Variants in SLC1A4 observed in about 807,000 individuals in gnomAD.
The protein encoded by SLC1A4 is solute carrier family 1 member 4.
A neutral mutation model predicts 37.7 loss-of-function variants in SLC1A4; 19 were observed. The observed-to-expected ratio is 0.50, with a 90% CI of 0.35 to 0.74. SLC1A4 has a LOEUF of 0.74. Ranked by LOEUF, SLC1A4 falls within the 30% of genes least tolerant of loss-of-function variation. SLC1A4 has a pLI of 0.01. For missense variants in SLC1A4, 570 were observed against 712.9 expected (o/e 0.80, Z 2.28); for synonymous variants, 299 against 309.8 (o/e 0.97, Z 0.37).
upstream of SLC1A4, chr2:64,988,578 G>A (rs1572935283): frequency 6.6e-6 from 1 of 152,330 alleles, no homozygotes; most frequent in Non-Finnish European, 1.5e-5. Context: ...CGCGGCCCAG[G>A]GGCGCCGGGT....
intron 1 of SLC1A4, among the ~76,000 whole-genome samples, chr2:64,990,726 T>C (rs936174335): frequency 2.0e-5 from 3 of 152,160 alleles, no homozygotes; most frequent in Non-Finnish European, 4.4e-5. Flanking sequence ...GTGAGACATA[T>C]TGCCCAGAAA....
intron 3 of SLC1A4, among the ~76,000 whole-genome samples, chr2:65,004,241 T>C (rs11886554): frequency 0.029 from 4,472 of 151,990 alleles, 209 homozygotes; most frequent in African/African-American, 0.1. Context: ...ATTTTGTTTG[T>C]TGATTTATTT....
chr2:65,020,532 G>C (rs933704113), intron 7 of SLC1A4, among the ~76,000 whole-genome samples: 1 of 152,128 alleles, frequency 6.6e-6, no homozygotes, highest in Non-Finnish European at 1.5e-5. Flanking sequence ...CTCCCAAATT[G>C]CTGGGATTAC....
chr2:65,003,972 T>C lies in SLC1A4; in HGVS notation c.590T>C (p.Val197Ala), dbSNP rs762173300. ...AFRTYATDYK[V>A]VTQNSSSGNV... ...TCACAGTATGCAACCGATTATAAAG[T>C]CGTGACCCAGAACAGCAGCTCTGGA... Residue 197 changes from valine to alanine, a missense_variant, in exon 3 of 8, where the codon GTC becomes GCC. Val to Ala is a moderately conservative substitution (Grantham distance 64, BLOSUM62 0). Coordinates refer to ENST00000234256, the MANE Select transcript of SLC1A4 (RefSeq NM_003038.5). The C allele has an allele frequency of 3.7e-6, 6 of 1,613,884 alleles. No homozygotes were observed. In the African/African-American group the frequency reaches 6.7e-5, roughly 18 times the overall value.
At chr2:65,016,700 G>T (rs750771561) in intron 5 of SLC1A4, 27 bp downstream of exon 5, 1 of 1,479,190 alleles carries the variant, frequency 6.8e-7, no homozygotes, top group African/African-American at 1.4e-5. Context: ...TCTCTTCACT[G>T]CTCTGAGCCA....
At chr2:65,016,874 G>A (rs373304821) in intron 5 of SLC1A4, among the ~76,000 whole-genome samples, 4 of 152,176 alleles carry the variant, frequency 2.6e-5, no homozygotes, top group Non-Finnish European at 5.9e-5. Flanking sequence ...TCGAACTCCT[G>A]GGCTCAAGTG....
chr2:65,019,566 T>C (rs1179203463), intron 7 of SLC1A4, among the ~76,000 whole-genome samples: 3 of 152,220 alleles, frequency 2.0e-5, no homozygotes, highest in Non-Finnish European at 4.4e-5. Flanking sequence ...ACCAGGTTCG[T>C]CACAGGCAGG....
intron 2 of SLC1A4, 124 bp downstream of exon 2, chr2:65,001,614 G>A: frequency 5.3e-6 from 4 of 752,462 alleles, no homozygotes; most frequent in Non-Finnish European, 8.7e-6. Context: ...TGGTAAGATT[G>A]GCCTAAACTT....
At chr2:65,008,367 G>A (rs951848734) in intron 3 of SLC1A4, among the ~76,000 whole-genome samples, 1 of 152,228 alleles carries the variant, frequency 6.6e-6, no homozygotes, top group Non-Finnish European at 1.5e-5. Context: ...GCCAGGTGCA[G>A]TGGCTCACAC....
chr2:65,017,990 G>C (rs1674225045), intron 5 of SLC1A4, 81 bp from the exon 6 acceptor site: 2 of 1,263,442 alleles, frequency 1.6e-6, no homozygotes, highest in Middle Eastern at 2.7e-4. Flanking sequence ...TAATTGCTCT[G>C]TTCTGGGGTC....
At chr2:65,019,225 T>C (rs1157176343) in intron 7 of SLC1A4, among the ~76,000 whole-genome samples, 3 of 152,216 alleles carry the variant, frequency 2.0e-5, no homozygotes, top group Non-Finnish European at 2.9e-5. Context: ...CATGGATTCC[T>C]TGAGTCACAT....
In SLC1A4 at chr2:65,022,788, C is replaced by A. The variant is rs7850; in HGVS notation, c.*1642C>A. The A allele has an allele frequency of 0.13, 19,150 of 152,182 alleles. 1,271 individuals carry two copies. The highest frequency in any genetic ancestry group is 0.19 in the Middle Eastern group (56 of 294). 9.4% of individuals were successfully genotyped at this position (152,182 alleles called of 1,614,324 possible). ...TTTTGCTGTGACTCCCAGACCCAGC[C>A]ACTGTTTCTGCCACCCTGTAACAGG... On this transcript the variant is annotated 3_prime_UTR_variant, in exon 8 of 8. Coordinates refer to ENST00000234256, the MANE Select transcript of SLC1A4 (RefSeq NM_003038.5).
In SLC1A4 at chr2:65,021,442, A is replaced by C; in HGVS notation, c.*296A>C. On this transcript the variant is annotated 3_prime_UTR_variant, in exon 8 of 8. Transcript: ENST00000234256. Reference sequence around the variant, plus strand: ...CTTGAGCTGCCAGGCTCAAGAAATCATGGACTCACAGGGTCCTGTGTGGTT... The same window carrying C: ...CTTGAGCTGCCAGGCTCAAGAAATCCTGGACTCACAGGGTCCTGTGTGGTT... The C allele has an allele frequency of 1.6e-4, 64 of 402,920 alleles. No individual in the cohort carries two copies. The highest frequency in any genetic ancestry group is 3.6e-4 in the East Asian group (8 of 21,920). The allele number at this position is 402,920 out of a possible 1,614,324, so 25.0% of individuals were successfully genotyped here. A position where few individuals can be genotyped will look rare whatever the true frequency, so the allele number is the denominator to read the frequency against.
intron 1 of SLC1A4, among the ~76,000 whole-genome samples, chr2:64,992,860 G>C (rs1394843277): frequency 1.3e-5 from 2 of 152,234 alleles, no homozygotes; most frequent in Non-Finnish European, 2.9e-5. Context: ...AGCTCCTCAA[G>C]TGAAGGAAAG....
chr2:65,009,263 C>T (rs1270216325), intron 3 of SLC1A4, among the ~76,000 whole-genome samples: 3 of 152,002 alleles, frequency 2.0e-5, no homozygotes, highest in African/African-American at 7.3e-5. Flanking sequence ...ATCCCAGGTA[C>T]TTGGGAGGCT....
intron 2 of SLC1A4, 150 bp downstream of exon 2, chr2:65,001,640 T>C (rs1673460824): frequency 3.3e-6 from 2 of 598,504 alleles, no homozygotes; most frequent in South Asian, 2.2e-5. Flanking sequence ...AATGGGTACC[T>C]AGAGTTAAAA....
At chr2:65,019,161 G>A (rs1481099673) in intron 7 of SLC1A4, among the ~76,000 whole-genome samples, 1 of 152,316 alleles carries the variant, frequency 6.6e-6, no homozygotes, top group African/African-American at 2.4e-5. Context: ...GGAAGAAGGT[G>A]TGATCCAGAC....
Position 64,989,690 on chromosome 2 carries a change from CG to C in SLC1A4, c.51del (p.Pro18LeufsTer50). The C allele has an allele frequency of 6.5e-7, 1 of 1,537,198 alleles. No homozygotes were observed. The highest frequency in any genetic ancestry group is 2.7e-5 in the East Asian group (1 of 36,982). ...ETNGYLDSAQ[A>X]GPAAGPGAPG... ...AACGGCTACCTTGACAGCGCTCAGG[CG>C]GGGCCTGCGGCCGGGCCCGGAGCTC... On this transcript the variant is annotated frameshift_variant, in exon 1 of 8. Coordinates refer to ENST00000234256, the MANE Select transcript of SLC1A4 (RefSeq NM_003038.5). LOFTEE classifies it high-confidence loss of function.
chr2:65,009,039 C>T lies in SLC1A4; in HGVS notation c.634-1558C>T, dbSNP rs143219385. 2.9e-3 allele frequency among the ~76,000 whole-genome samples: 439 copies of T among 152,276 alleles called. 1 individual carries two copies. Among genetic ancestry groups the T allele is most frequent in the African/African-American group, 9.5e-3 (394 of 41,552 alleles). On this transcript the variant is annotated intron_variant, in intron 3 of 7. Transcript: ENST00000234256. ...TCAACATAAACAAAAGCGCCCTATA[C>T]GGTGATCATTGTCCTCACAATGAAA...
Sources: gnomAD v4.1 joint callset for allele counts (sites outside exome capture counted in the v4.1 genomes callset) on GRCh38, gnomAD v4.1.1 for gene constraint, MANE v1.5 for transcripts, NCBI Gene and HGNC (gene_info 2026-07-23, HGNC 2026-07-21) for gene names.